Variants in AFF3 observed in about 807,000 individuals in gnomAD.
AFF3 encodes the protein AF4/FMR2 family member 3.
In AFF3, 32 loss-of-function variants were observed where a neutral mutation model predicts 129.7. The observed-to-expected ratio is 0.25, with a 90% CI of 0.19 to 0.33. The LOEUF is 0.33. AFF3 is among the 10% of genes least tolerant of loss of function. The pLI is 1.00. For missense variants in AFF3, 1,373 were observed against 1,592.0 expected (o/e 0.86, Z 2.34); for synonymous variants, 644 against 635.4 (o/e 1.01, Z -0.20).
intron 2 of AFF3, among the ~76,000 whole-genome samples, chr2:100,125,660 T>C (rs1463642331): frequency 1.3e-5 from 2 of 151,964 alleles, no homozygotes; most frequent in East Asian, 1.9e-4. Flanking sequence ...GTGAAAACTA[T>C]GGAAGAATGA....
At chr2:99,706,316 C>T (rs191542390) in intron 11 of AFF3, among the ~76,000 whole-genome samples, 34 of 152,328 alleles carry the variant, frequency 2.2e-4, no homozygotes, top group African/African-American at 7.9e-4. Flanking sequence ...CTTGACTTTA[C>T]CATACCGATT....
intron 8 of AFF3, among the ~76,000 whole-genome samples, chr2:99,779,599 G>C (rs1430055307): frequency 6.6e-6 from 1 of 152,152 alleles, no homozygotes; most frequent in Non-Finnish European, 1.5e-5. Flanking sequence ...TAGTGGTGAA[G>C]TCTGGGCATT....
At chr2:99,593,105 A>G in intron 15 of AFF3, 90 bp downstream of exon 15, 1 of 1,447,344 alleles carries the variant, frequency 6.9e-7, no homozygotes, top group Non-Finnish European at 9.2e-7. Flanking sequence ...CCCAAACAGC[A>G]GCCTATGGGT....
intron 13 of AFF3, among the ~76,000 whole-genome samples, chr2:99,648,917 A>ACACACACC: frequency 2.1e-5 from 1 of 46,872 alleles, no homozygotes; most frequent in Non-Finnish European, 4.6e-5. Flanking sequence ...ACACACACAC[A>ACACACACC]CTCTCTCTCT....
chr2:99,844,959 TAA>T (rs370587161), intron 7 of AFF3, among the ~76,000 whole-genome samples: 1 of 142,190 alleles, frequency 7.0e-6, no homozygotes, highest in Non-Finnish European at 1.5e-5. Context: ...ACCAATACAC[TAA>T]AAAAAAAAAG....
rs79424397 is a variant in AFF3, at chr2:99,831,729, T to C, written c.921+5748A>G. Among the ~76,000 whole-genome samples the C allele has an allele frequency of 2.6e-3, 395 of 152,306 alleles. 3 individuals are homozygous for C. In the East Asian group the frequency reaches 0.052, roughly 20 times the overall value. On this transcript the variant is annotated intron_variant, in intron 8 of 24. Transcript: ENST00000672756. ...AAAGAAGAAAAAACTATAAAGATGTTATGAAAATGTGAACGGACTATATGG... is the reference window on the plus strand; with the variant it reads ...AAAGAAGAAAAAACTATAAAGATGTCATGAAAATGTGAACGGACTATATGG...
chr2:99,575,182 T>A (rs1314234756), intron 18 of AFF3, among the ~76,000 whole-genome samples: 16 of 152,152 alleles, frequency 1.1e-4, no homozygotes, highest in Non-Finnish European at 1.5e-5. Context: ...TTTTGCACAA[T>A]TTTAGGTGAC....
At chr2:99,595,636 G>A (rs1246742876) in intron 14 of AFF3, among the ~76,000 whole-genome samples, 1 of 151,048 alleles carries the variant, frequency 6.6e-6, no homozygotes, top group Non-Finnish European at 1.5e-5. Context: ...ATCAAGGTTT[G>A]TTTTTCAACA....
chr2:99,605,447 G>A (rs1005708838), intron 13 of AFF3, among the ~76,000 whole-genome samples: 2 of 152,202 alleles, frequency 1.3e-5, no homozygotes, highest in Non-Finnish European at 2.9e-5. Context: ...GTGGGATCAA[G>A]ATCACTCTCC....
At chr2:99,620,165 C>T (rs554169497) in intron 13 of AFF3, among the ~76,000 whole-genome samples, 65 of 152,246 alleles carry the variant, frequency 4.3e-4, no homozygotes, top group Non-Finnish European at 2.2e-4. Flanking sequence ...ACTGAGACTC[C>T]GGGAGAGAGG....
chr2:99,726,834 A>C (rs1021649275), intron 11 of AFF3, among the ~76,000 whole-genome samples: 3 of 152,230 alleles, frequency 2.0e-5, no homozygotes, highest in Non-Finnish European at 4.4e-5. Flanking sequence ...ATACATGCTC[A>C]AATCTCATTA....
chr2:99,858,718 A>C (rs1051852305), intron 7 of AFF3, among the ~76,000 whole-genome samples: 2 of 152,192 alleles, frequency 1.3e-5, no homozygotes, highest in African/African-American at 4.8e-5. Context: ...ATGGACACAT[A>C]GAGGGGAAAA....
chr2:99,925,660 G>A (rs1323987951), intron 7 of AFF3, among the ~76,000 whole-genome samples: 1 of 152,206 alleles, frequency 6.6e-6, no homozygotes. Context: ...GTCTTTACAT[G>A]CTTCCACAGG....
intron 10 of AFF3, among the ~76,000 whole-genome samples, chr2:99,740,124 C>T (rs986189583): frequency 3.3e-5 from 5 of 151,614 alleles, no homozygotes; most frequent in African/African-American, 1.2e-4. Context: ...CATCTATGTC[C>T]CTACAAAGGA....
intron 8 of AFF3, among the ~76,000 whole-genome samples, chr2:99,828,503 G>C (rs1688274762): frequency 6.6e-6 from 1 of 152,186 alleles, no homozygotes; most frequent in African/African-American, 2.4e-5. Flanking sequence ...ACCAGAAAGT[G>C]GACAAGCAAG....
At chr2:100,092,060 A>G (rs1304342138) in intron 4 of AFF3, among the ~76,000 whole-genome samples, 1 of 151,768 alleles carries the variant, frequency 6.6e-6, no homozygotes, top group Non-Finnish European at 1.5e-5. Flanking sequence ...CAGCACCTGT[A>G]TGCTGATAAC....
intron 14 of AFF3, among the ~76,000 whole-genome samples, chr2:99,598,170 T>A (rs1441089424): frequency 6.6e-6 from 1 of 152,170 alleles, no homozygotes; most frequent in Non-Finnish European, 1.5e-5. Flanking sequence ...ATTCGATAGG[T>A]AAAGAGGTGG....
intron 13 of AFF3, among the ~76,000 whole-genome samples, chr2:99,629,452 G>A (rs1353401928): frequency 1.3e-5 from 2 of 152,154 alleles, no homozygotes; most frequent in Non-Finnish European, 2.9e-5. Flanking sequence ...TAGCTAACCA[G>A]GGAGGTGAAG....
chr2:99,937,541 G>A (rs2106327884), intron 7 of AFF3, among the ~76,000 whole-genome samples: 1 of 152,264 alleles, frequency 6.6e-6, no homozygotes, highest in East Asian at 1.9e-4. Context: ...TGGGACTACA[G>A]GCGCCTGCTA....
Sources: allele counts gnomAD v4.1 joint callset (sites outside exome capture counted in the v4.1 genomes callset), GRCh38; gene constraint gnomAD v4.1.1; transcripts MANE v1.5; gene names NCBI Gene and HGNC (gene_info 2026-07-23, HGNC 2026-07-21).